FTO: variants seen among roughly 807,000 people sequenced by gnomAD.
FTO encodes the protein FTO alpha-ketoglutarate dependent dioxygenase, also known as alpha-ketoglutarate-dependent dioxygenase FTO.
In FTO, 47 loss-of-function variants were observed where a neutral mutation model predicts 63.9. That is an observed-to-expected ratio of 0.74 (90% confidence interval 0.58 to 0.94). The LOEUF (loss-of-function observed/expected upper bound fraction) is 0.94, where lower values mean the gene tolerates loss of function less well. Ranked by LOEUF, FTO falls within the 40% of genes least tolerant of loss-of-function variation. FTO has a pLI of 0.00. For synonymous variants in FTO, 207 were observed against 224.4 expected (o/e 0.92, Z 0.69); for missense variants, 562 against 618.1 (o/e 0.91, Z 0.96).
intron 8 of FTO, among the ~76,000 whole-genome samples, chr16:54,079,793 G>T (rs1469890680): frequency 6.6e-6 from 1 of 152,192 alleles, no homozygotes; most frequent in East Asian, 1.9e-4. Flanking sequence ...TCATGGCAGA[G>T]TATTGGCCCA....
chr16:53,761,663 C>T (rs1462171797), intron 1 of FTO, among the ~76,000 whole-genome samples: 1 of 152,122 alleles, frequency 6.6e-6, no homozygotes, highest in Non-Finnish European at 1.5e-5. Flanking sequence ...CTCTGAAATA[C>T]TGTGGCCCTG....
At chr16:53,852,233 G>T (rs1463537150) in intron 4 of FTO, among the ~76,000 whole-genome samples, 1 of 151,180 alleles carries the variant, frequency 6.6e-6, no homozygotes, top group African/African-American at 2.4e-5. Context: ...CTGTGATCGC[G>T]CCACTGCACT....
intron 1 of FTO, among the ~76,000 whole-genome samples, chr16:53,769,735 T>A (rs2077290020): frequency 6.6e-6 from 1 of 152,094 alleles, no homozygotes; most frequent in African/African-American, 2.4e-5. Context: ...CAAAATAGTC[T>A]ATAATGGCTT....
At chr16:54,073,888 A>G (rs1389755617) in intron 8 of FTO, among the ~76,000 whole-genome samples, 2 of 152,196 alleles carry the variant, frequency 1.3e-5, no homozygotes, top group African/African-American at 4.8e-5. Context: ...AATTGAGTGC[A>G]AATTCAGGGC....
At chr16:53,931,516 C>T (rs1051482212) in intron 7 of FTO, among the ~76,000 whole-genome samples, 1 of 151,902 alleles carries the variant, frequency 6.6e-6, no homozygotes, top group African/African-American at 2.4e-5. Flanking sequence ...CCATGTTGGC[C>T]AGGCTGGTCT....
intron 1 of FTO, among the ~76,000 whole-genome samples, chr16:53,704,807 G>A (rs1402416446): frequency 6.6e-6 from 1 of 152,138 alleles, no homozygotes; most frequent in Non-Finnish European, 1.5e-5. Context: ...TTTATTGTGG[G>A]TCAGGCACTG....
At chr16:53,900,269 T>C (rs1004664377) in intron 7 of FTO, among the ~76,000 whole-genome samples, 1 of 152,172 alleles carries the variant, frequency 6.6e-6, no homozygotes, top group African/African-American at 2.4e-5. Flanking sequence ...AGTGTTGTTT[T>C]TTGTCTAGGT....
At chr16:54,106,712 AAT>A (rs2086761509) in intron 8 of FTO, among the ~76,000 whole-genome samples, 1 of 136,366 alleles carries the variant, frequency 7.3e-6, no homozygotes, top group African/African-American at 2.7e-5. Context: ...AATTGTATGT[AAT>A]AGTTATATAA....
intron 7 of FTO, among the ~76,000 whole-genome samples, chr16:53,918,498 A>G (rs1006764662): frequency 1.3e-5 from 2 of 152,250 alleles, no homozygotes; most frequent in Non-Finnish European, 2.9e-5. Context: ...GAACATCATT[A>G]TATGACACAC....
chr16:53,778,534 C>T (rs1476701800), intron 1 of FTO, among the ~76,000 whole-genome samples: 1 of 152,178 alleles, frequency 6.6e-6, no homozygotes, highest in East Asian at 1.9e-4. Context: ...TAGTATTATT[C>T]TGAAAATAGT....
chr16:53,946,490 A>G (rs1173328848), intron 8 of FTO, among the ~76,000 whole-genome samples: 1 of 152,162 alleles, frequency 6.6e-6, no homozygotes, highest in Non-Finnish European at 1.5e-5. Flanking sequence ...TGCTCATATT[A>G]AGTTGTTTTG....
intron 4 of FTO, among the ~76,000 whole-genome samples, chr16:53,873,232 G>T (rs913419782): frequency 6.6e-6 from 1 of 152,118 alleles, no homozygotes; most frequent in Non-Finnish European, 1.5e-5. Flanking sequence ...TGTGTCATGA[G>T]AAAGTGAAAG....
At chr16:53,997,980 G>T (rs1449750945) in intron 8 of FTO, among the ~76,000 whole-genome samples, 1 of 152,128 alleles carries the variant, frequency 6.6e-6, no homozygotes, top group African/African-American at 2.4e-5. Context: ...CATGTTGATT[G>T]TTACTGTCCA....
chr16:53,970,144 C>G (rs554160983), intron 8 of FTO, among the ~76,000 whole-genome samples: 23 of 152,278 alleles, frequency 1.5e-4, no homozygotes, highest in African/African-American at 5.5e-4. Context: ...GGTGACCTAA[C>G]AAACCAAACT....
At chr16:53,880,161 T>C (rs549614525) in intron 6 of FTO, among the ~76,000 whole-genome samples, 174 bp downstream of exon 6, 8 of 152,192 alleles carry the variant, frequency 5.3e-5, no homozygotes, top group South Asian at 2.1e-4. Flanking sequence ...CACTCCTGGC[T>C]GATTTTGATA....
chr16:53,880,141 C>T (rs1448938692), intron 6 of FTO, among the ~76,000 whole-genome samples, 154 bp downstream of exon 6: 1 of 152,054 alleles, frequency 6.6e-6, no homozygotes, highest in Non-Finnish European at 1.5e-5. Flanking sequence ...ACTACAGGTG[C>T]ATGCGCCACC....
At chr16:53,783,604 T>TATA (rs397716766) in intron 1 of FTO, among the ~76,000 whole-genome samples, 4,649 of 67,958 alleles carry the variant, frequency 0.068, 207 homozygotes, top group East Asian at 0.31. Context: ...CAAGACTCCA[T>TATA]AAAAAAAAAA....
At chr16:53,812,378 G>A (rs2078557432) in intron 2 of FTO, among the ~76,000 whole-genome samples, 1 of 151,482 alleles carries the variant, frequency 6.6e-6, no homozygotes. Flanking sequence ...TCAAGCAAGT[G>A]CATCTGGCTA....
At chr16:53,914,144 G>T (rs562181027) in intron 7 of FTO, among the ~76,000 whole-genome samples, 1 of 152,278 alleles carries the variant, frequency 6.6e-6, no homozygotes, top group African/African-American at 2.4e-5. Context: ...ACTCGAAGAA[G>T]ATCAAAAGAC....
Sources: gnomAD v4.1 joint callset for allele counts (sites outside exome capture counted in the v4.1 genomes callset) on GRCh38, gnomAD v4.1.1 for gene constraint, MANE v1.5 for transcripts, NCBI Gene and HGNC (gene_info 2026-07-23, HGNC 2026-07-21) for gene names.